SYNGR1: variants seen among roughly 807,000 people sequenced by gnomAD.
SYNGR1 encodes the protein synaptogyrin 1, also known as synaptogyrin-1.
A neutral mutation model predicts 26.1 loss-of-function variants in SYNGR1; 14 were observed. That is an observed-to-expected ratio of 0.54 (90% CI 0.35 to 0.84). SYNGR1 has a LOEUF of 0.84. Ranked by LOEUF, SYNGR1 falls within the 40% of genes least tolerant of loss-of-function variation. The pLI is 0.01. For synonymous variants in SYNGR1, 141 were observed against 150.1 expected, an observed-to-expected ratio of 0.94 and a Z score of 0.44; for missense variants, 319 against 332.9, an observed-to-expected ratio of 0.96 and a Z score of 0.33.
At position 39,369,436 on chromosome 22, in the gene SYNGR1, G is replaced by A. The variant is rs142320016; in HGVS notation, c.100-4880G>A. Among the ~76,000 whole-genome samples, 1,153 of 152,228 alleles carry A rather than the reference G, an allele frequency of 7.6e-3. 21 individuals are homozygous for A. The highest frequency in any genetic ancestry group is 0.026 in the African/African-American group (1,091 of 41,540). ...TGAGCACCAGACTTGAGACTGAATC[G>A]AGTCGCCTGATCCCCAGTCACACTG... On this transcript the variant is annotated intron_variant, in intron 1 of 3. Coordinates refer to ENST00000328933, the MANE Select transcript of SYNGR1 (RefSeq NM_004711.5).
At chr22:39,365,658 A>T (rs1314759464) in intron 1 of SYNGR1, among the ~76,000 whole-genome samples, 1 of 151,980 alleles carries the variant, frequency 6.6e-6, no homozygotes, top group Admixed American at 6.6e-5. Flanking sequence ...GGTTCAGGAG[A>T]CTGTAAGGGA....
At chr22:39,378,682 C>T (rs915001719) in intron 3 of SYNGR1, among the ~76,000 whole-genome samples, 12 of 152,242 alleles carry the variant, frequency 7.9e-5, no homozygotes, top group Admixed American at 7.8e-4. Context: ...CATCCCAGTG[C>T]AGATGCAGAC....
chr22:39,350,240 C>A lies in SYNGR1; in HGVS notation c.99+131C>A. The A allele has an allele frequency of 6.2e-6, 3 of 481,900 alleles. No homozygotes were observed. The highest frequency in any genetic ancestry group is 8.8e-6 in the Non-Finnish European group (3 of 341,338). 29.9% of individuals were successfully genotyped at this position (481,900 alleles called of 1,614,324 possible). On this transcript the variant is annotated intron_variant, in intron 1 of 3. Coordinates refer to ENST00000328933, the MANE Select transcript of SYNGR1 (RefSeq NM_004711.5). The surrounding 1 kb of genome is among the most constrained non-coding windows in gnomAD (Gnocchi z 4.3). Reference sequence around the variant, plus strand: ...CGGCGGCGCGGCGGCGGGCGAGGAGCTGTCCTGCCTGCGGGGCCCGCTGCC... The same window carrying A: ...CGGCGGCGCGGCGGCGGGCGAGGAGATGTCCTGCCTGCGGGGCCCGCTGCC...
chr22:39,377,219 C>T, intron 3 of SYNGR1: 1 of 1,435,452 alleles, frequency 7.0e-7, no homozygotes, highest in South Asian at 1.5e-5. Context: ...TTTTGAGGGC[C>T]CCTGGATATC....
At chr22:39,361,001 C>T (rs931488621) in intron 1 of SYNGR1, among the ~76,000 whole-genome samples, 1 of 152,182 alleles carries the variant, frequency 6.6e-6, no homozygotes, top group Non-Finnish European at 1.5e-5. Context: ...CTGCACTGAT[C>T]GGTCGTCCTT....
In SYNGR1 at chr22:39,356,918, C is replaced by T. The variant is rs1181625236; in HGVS notation, c.99+6809C>T. On this transcript the variant is annotated intron_variant, in intron 1 of 3. Transcript: ENST00000328933. Reference sequence around the variant, plus strand: ...CCCTTGAAGAACCCCACTCTTGCTCCTAGTGGACTCCAGGTTGGGAACTTT... The same window carrying T: ...CCCTTGAAGAACCCCACTCTTGCTCTTAGTGGACTCCAGGTTGGGAACTTT... 3.3e-5 allele frequency among the ~76,000 whole-genome samples: 5 copies of T among 152,142 alleles called. No individual in the cohort carries two copies. The East Asian group carries it at 9.6e-4, about 29-fold the overall frequency.
At chr22:39,368,564 A>G (rs1241392311) in intron 1 of SYNGR1, among the ~76,000 whole-genome samples, 1 of 151,916 alleles carries the variant, frequency 6.6e-6, no homozygotes, top group Admixed American at 6.5e-5. Flanking sequence ...CTTGCTCTGC[A>G]CCCTCTTGGG....
intron 1 of SYNGR1, among the ~76,000 whole-genome samples, chr22:39,363,859 C>T (rs943741160): frequency 6.6e-5 from 10 of 152,236 alleles, no homozygotes; most frequent in East Asian, 1.9e-4. Context: ...GCGAGGTAGA[C>T]GGTTCCATTT....
At chr22:39,362,341 T>A (rs1367838634) in intron 1 of SYNGR1, among the ~76,000 whole-genome samples, 1 of 151,970 alleles carries the variant, frequency 6.6e-6, no homozygotes, top group Non-Finnish European at 1.5e-5. Flanking sequence ...CACCGAGCAC[T>A]CGGGGCGACA....
chr22:39,364,270 A>G lies in SYNGR1; in HGVS notation c.100-10046A>G, dbSNP rs77424082. 3.6e-3 allele frequency: 5,880 copies of G among 1,613,984 alleles called. 47 individuals are homozygous for G. Among genetic ancestry groups the G allele is most frequent in the Middle Eastern group, 0.025 (151 of 6,054 alleles). On this transcript the variant is annotated intron_variant, in intron 1 of 3. Coordinates refer to ENST00000328933, the MANE Select transcript of SYNGR1 (RefSeq NM_004711.5). ...CAGCTGGACACAGAGGTCGTGGGTG[A>G]GCTGGAGGAGCAGGCCCGGATGTGA...
At chr22:39,354,232 G>A (rs908607829) in intron 1 of SYNGR1, among the ~76,000 whole-genome samples, 4 of 152,216 alleles carry the variant, frequency 2.6e-5, no homozygotes, top group African/African-American at 9.6e-5. Flanking sequence ...CATTTTCAGG[G>A]TTCATTTTTT....
intron 1 of SYNGR1, among the ~76,000 whole-genome samples, chr22:39,356,776 G>T: frequency 6.6e-6 from 1 of 152,178 alleles, no homozygotes; most frequent in East Asian, 1.9e-4. Context: ...CACCCTCTCT[G>T]CCAGTGATTG....
chr22:39,370,866 C>A (rs1924987486), intron 1 of SYNGR1, among the ~76,000 whole-genome samples: 1 of 152,028 alleles, frequency 6.6e-6, no homozygotes, highest in Non-Finnish European at 1.5e-5. Context: ...AGTGATCTAC[C>A]CATCTTGGTC....
chr22:39,356,998 T>C (rs2003675), intron 1 of SYNGR1, among the ~76,000 whole-genome samples: 31,879 of 152,064 alleles, frequency 0.21, 7,344 homozygotes, highest in African/African-American at 0.58. Context: ...TGGCTCACAC[T>C]TGTAATCCCA....
intron 1 of SYNGR1, among the ~76,000 whole-genome samples, chr22:39,367,372 C>T (rs1159348892): frequency 2.6e-5 from 4 of 152,138 alleles, no homozygotes; most frequent in African/African-American, 4.8e-5. Context: ...CTGTAGCAGG[C>T]GGTAGGGACA....
intron 1 of SYNGR1, among the ~76,000 whole-genome samples, chr22:39,368,695 G>T (rs1464120589): frequency 6.6e-6 from 1 of 152,184 alleles, no homozygotes; most frequent in Non-Finnish European, 1.5e-5. Flanking sequence ...GCTTCTGCCT[G>T]CCTGTTTCCC....
intron 1 of SYNGR1, among the ~76,000 whole-genome samples, chr22:39,357,412 T>C (rs1924193152): frequency 6.6e-6 from 1 of 152,208 alleles, no homozygotes; most frequent in African/African-American, 2.4e-5. Context: ...CGGCTCCTCC[T>C]CTGCCTGGGC....
chr22:39,382,020 C>A lies in SYNGR1; in HGVS notation c.*106C>A. On this transcript the variant is annotated 3_prime_UTR_variant, in exon 4 of 4. Transcript: ENST00000328933. ...CTGCCCAGCGCCTCATCAGCCTCTGCCTTGTCCCACTGAGGTCCAGGGTAG... is the reference window on the plus strand; with the variant it reads ...CTGCCCAGCGCCTCATCAGCCTCTGACTTGTCCCACTGAGGTCCAGGGTAG... 2 of 1,288,986 alleles carry A rather than the reference C, an allele frequency of 1.6e-6. No homozygotes were observed. The highest frequency in any genetic ancestry group is 2.2e-6 in the Non-Finnish European group (2 of 923,380). 79.8% of individuals were successfully genotyped at this position (1,288,986 alleles called of 1,614,324 possible). A position where few individuals can be genotyped will look rare whatever the true frequency, so the allele number is the denominator to read the frequency against.
intron 1 of SYNGR1, among the ~76,000 whole-genome samples, chr22:39,371,205 G>T (rs1293432764): frequency 6.6e-6 from 1 of 152,158 alleles, no homozygotes; most frequent in Admixed American, 6.5e-5. Context: ...GGCCGGGCGT[G>T]GTGGCTGACT....
Sources: allele counts gnomAD v4.1 joint callset (sites outside exome capture counted in the v4.1 genomes callset), GRCh38; gene constraint gnomAD v4.1.1; non-coding constraint Gnocchi (gnomAD v3.1); transcripts MANE v1.5; gene names NCBI Gene and HGNC (gene_info 2026-07-23, HGNC 2026-07-21).